CACNA2D4: variants seen among roughly 807,000 people sequenced by gnomAD.
CACNA2D4 encodes calcium voltage-gated channel auxiliary subunit alpha2delta 4, also known as voltage-dependent calcium channel subunit alpha-2/delta-4.
CACNA2D4 carries 157 observed loss-of-function variants against 163.8 expected under a neutral mutation model. The observed-to-expected ratio is 0.96, with a 90% CI of 0.84 to 1.09. The LOEUF is 1.09. CACNA2D4 is among the 50% of genes least tolerant of loss of function. The pLI, the probability that CACNA2D4 is intolerant of heterozygous loss-of-function variation, is 0.00. For synonymous variants in CACNA2D4, 598 were observed against 586.9 expected (o/e 1.02, Z -0.27); for missense variants, 1,410 against 1,479.9 (o/e 0.95, Z 0.78).
intron 6 of CACNA2D4, among the ~76,000 whole-genome samples, chr12:1,892,462 A>G (rs1325988891): frequency 1.3e-5 from 2 of 152,240 alleles, no homozygotes; most frequent in Admixed American, 6.5e-5. Flanking sequence ...AAAACACATG[A>G]AAGTATAAAA....
At position 1,878,006 on chromosome 12, in the gene CACNA2D4, A is replaced by G. The variant is rs151311000; in HGVS notation, c.1719+309T>C. ...TGTTCACCCAACTTCGCAGGCCCCC[A>G]GAGTTCTGAGAGACTCCAAGCAGAT... On this transcript the variant is annotated intron_variant, in intron 16 of 37. Coordinates refer to ENST00000382722, the MANE Select transcript of CACNA2D4 (RefSeq NM_172364.5). The surrounding 1 kb of genome is among the most constrained non-coding windows in gnomAD (Gnocchi z 4.6). 3.5e-3 allele frequency among the ~76,000 whole-genome samples: 532 copies of G among 152,320 alleles called. 2 individuals carry two copies. The highest frequency in any genetic ancestry group is 0.012 in the African/African-American group (518 of 41,566).
In CACNA2D4 at chr12:1,795,370, C is replaced by T. The variant is rs1419053696; in HGVS notation, c.3238G>A (p.Val1080Ile). 1 of 1,611,326 alleles carries T rather than the reference C, an allele frequency of 6.2e-7. No individual in the cohort carries two copies. The highest frequency in any genetic ancestry group is 1.7e-4 in the Middle Eastern group (1 of 6,060). The change falls in exon 37 of 38, where the codon GTC becomes ATC. Residue 1080 changes from valine to isoleucine, a missense_variant. Coordinates refer to ENST00000382722, the MANE Select transcript of CACNA2D4 (RefSeq NM_172364.5). ...TGGGAGCGCATCCGGTCACATTTGA[C>T]AGAGGCATTATGTGCAGAAGCCACT... ...EATEVKYNAS[V>I]KCDRMRSQKL...
At chr12:1,797,739 C>A (rs1863177884) in intron 34 of CACNA2D4, 10 of 601,664 alleles carry the variant, frequency 1.7e-5, no homozygotes, top group Non-Finnish European at 2.4e-5. Flanking sequence ...GGTGGCTTGG[C>A]ACGGGGAGCG....
intron 14 of CACNA2D4, 74 bp from the exon 15 acceptor site, chr12:1,879,110 G>T: frequency 1.1e-5 from 13 of 1,223,038 alleles, no homozygotes; most frequent in Non-Finnish European, 1.3e-5. Flanking sequence ...CCCTGGGCCT[G>T]TCCAGAGCCT....
In CACNA2D4 at chr12:1,875,396, A is replaced by G. The variant is rs1277876488; in HGVS notation, c.1720-59T>C. 5 of 1,064,292 alleles carry G rather than the reference A, an allele frequency of 4.7e-6. No individual in the cohort carries two copies. The highest frequency in any genetic ancestry group is 1.7e-5 in the Admixed American group (1 of 58,832). The allele number at this position is 1,064,292 out of a possible 1,614,324, so 65.9% of individuals were successfully genotyped here. The stretch of plus-strand genomic sequence containing the variant: ...GTCAGTATACGTCCTGCTCAAGTTT[A>G]TCTCTTCTACAAAGCCTTTCAGGTA... On this transcript the variant is annotated intron_variant, in intron 16 of 37. Transcript: ENST00000382722. This position sits in a 1 kb window ranked among gnomAD's most constrained non-coding sequence, Gnocchi z 4.0.
At chr12:1,823,910 C>A (rs552979030) in intron 26 of CACNA2D4, among the ~76,000 whole-genome samples, 1 of 152,180 alleles carries the variant, frequency 6.6e-6, no homozygotes, top group African/African-American at 2.4e-5. Context: ...AAGTAACCCC[C>A]ACGTGTAAGC....
intron 26 of CACNA2D4, among the ~76,000 whole-genome samples, chr12:1,830,156 G>A (rs1459047593): frequency 1.3e-5 from 2 of 152,262 alleles, no homozygotes. Context: ...GAGCCTAGAT[G>A]GCTTTAGGGT....
chr12:1,833,911 G>A lies in CACNA2D4; in HGVS notation c.2551+6828C>T, dbSNP rs1362426789. On this transcript the variant is annotated intron_variant, in intron 26 of 37. Coordinates refer to ENST00000382722, the MANE Select transcript of CACNA2D4 (RefSeq NM_172364.5). The surrounding 1 kb of genome is among the most constrained non-coding windows in gnomAD (Gnocchi z 4.2). ...GCTCTCTAATGACAGCCCTTTCCTG[G>A]GAACCTCCCCATGTTAGCACTGCCT... Among the ~76,000 whole-genome samples the A allele has an allele frequency of 6.6e-6, 1 of 152,154 alleles. No homozygotes were observed. The highest frequency in any genetic ancestry group is 6.5e-5 in the Admixed American group (1 of 15,278).
intron 2 of CACNA2D4, 60 bp from the exon 3 acceptor site, chr12:1,913,199 T>C: frequency 2.6e-6 from 3 of 1,139,912 alleles, no homozygotes; most frequent in Non-Finnish European, 4.0e-6. Flanking sequence ...TAGTTGCACC[T>C]GTGTATGCAT....
chr12:1,840,687 C>G, intron 26 of CACNA2D4, 52 bp downstream of exon 26: 1 of 1,501,806 alleles, frequency 6.7e-7, no homozygotes, highest in South Asian at 1.1e-5. Context: ...ATGCCTTGCT[C>G]TTTACACTGT....
chr12:1,877,434 T>C (rs939932558), intron 16 of CACNA2D4, among the ~76,000 whole-genome samples: 1 of 152,342 alleles, frequency 6.6e-6, no homozygotes, highest in East Asian at 1.9e-4. Context: ...GAAGACAGCA[T>C]GAACAGAGTG....
intron 18 of CACNA2D4, among the ~76,000 whole-genome samples, chr12:1,867,516 C>T (rs192128694): frequency 5.3e-5 from 8 of 152,182 alleles, no homozygotes; most frequent in East Asian, 1.9e-4. Context: ...GTTTCAGATA[C>T]GGTACTTTTT....
intron 6 of CACNA2D4, among the ~76,000 whole-genome samples, chr12:1,892,444 C>G (rs1160866219): frequency 6.6e-6 from 1 of 152,104 alleles, no homozygotes; most frequent in Non-Finnish European, 1.5e-5. Context: ...ACAATATCTA[C>G]CATGATGAAA....
chr12:1,819,000 T>C (rs75232392), intron 26 of CACNA2D4, among the ~76,000 whole-genome samples: 1 of 89,504 alleles, frequency 1.1e-5, no homozygotes, highest in Non-Finnish European at 2.6e-5. Flanking sequence ...ACTAAAAAAA[T>C]TAAAAAAAAA....
At chr12:1,854,099 A>G in intron 22 of CACNA2D4, 55 bp from the exon 23 acceptor site, 1 of 1,299,758 alleles carries the variant, frequency 7.7e-7, no homozygotes, top group South Asian at 1.4e-5. Flanking sequence ...GCTCATGAAC[A>G]CAACTCTCCC....
rs1381651774 is a variant in CACNA2D4, at chr12:1,833,793, G to A, written c.2551+6946C>T. ...TGAGTGAGAGGTAAGAACCCTAGAA[G>A]GATAAGATGCTGTGTTGAGAACGGT... On this transcript the variant is annotated intron_variant, in intron 26 of 37. Transcript: ENST00000382722. This position sits in a 1 kb window ranked among gnomAD's most constrained non-coding sequence, Gnocchi z 4.2. Among the ~76,000 whole-genome samples, 1 of 152,186 alleles carries A rather than the reference G, an allele frequency of 6.6e-6. No homozygotes were observed. The highest frequency in any genetic ancestry group is 1.5e-5 in the Non-Finnish European group (1 of 68,038).
chr12:1,864,177 T>C (rs1033064400), intron 18 of CACNA2D4, among the ~76,000 whole-genome samples: 1 of 152,320 alleles, frequency 6.6e-6, no homozygotes, highest in East Asian at 1.9e-4. Context: ...AGCCTAACGG[T>C]GAGCCGACCT....
intron 36 of CACNA2D4, 127 bp from the exon 37 acceptor site, chr12:1,795,508 A>G (rs913030934): frequency 1.5e-5 from 15 of 999,276 alleles, no homozygotes; most frequent in Middle Eastern, 2.1e-4. Context: ...GTCAGGAGGC[A>G]GCACCGGGGC....
chr12:1,882,978 C>T lies in CACNA2D4; in HGVS notation c.1374G>A (p.Thr458=), dbSNP rs183426606. 2.0e-5 allele frequency: 32 copies of T among 1,613,044 alleles called. No homozygotes were observed. The highest frequency in any genetic ancestry group is 1.2e-4 in the Admixed American group (7 of 59,906). The change falls in exon 13 of 38, where the codon ACG becomes ACA. Residue 458 remains threonine (T), a synonymous_variant. Coordinates refer to ENST00000382722, the MANE Select transcript of CACNA2D4 (RefSeq NM_172364.5). ...NNKGYYTQIS[T]LADTQENVME... ...TCACGTTCTCCTGGGTGTCCGCCAG[C>T]GTTGAGATCTGCGTGTAGTAGCCTG...
Sources: allele counts gnomAD v4.1 joint callset (sites outside exome capture counted in the v4.1 genomes callset), GRCh38; gene constraint gnomAD v4.1.1; non-coding constraint Gnocchi (gnomAD v3.1); transcripts MANE v1.5; gene names NCBI Gene and HGNC (gene_info 2026-07-23, HGNC 2026-07-21).